The following DSCC1 variants were observed in gnomAD, a reference collection of about 807,000 sequenced individuals.
DSCC1 encodes DNA replication and sister chromatid cohesion 1.
Under a neutral mutation model 48.2 loss-of-function variants are expected in DSCC1, and 32 were observed. That is an observed-to-expected ratio of 0.66 (90% CI 0.50 to 0.89). DSCC1 has a LOEUF of 0.89. DSCC1 is among the 40% of genes least tolerant of loss of function. The pLI, the probability that DSCC1 is intolerant of heterozygous loss-of-function variation, is 0.00. For synonymous variants in DSCC1, 150 were observed against 171.5 expected (o/e 0.87, Z 0.98); for missense variants, 421 against 471.7 (o/e 0.89, Z 1.00).
intron 2 of DSCC1, among the ~76,000 whole-genome samples, chr8:119,851,429 A>G (rs995862995): frequency 6.6e-6 from 1 of 152,222 alleles, no homozygotes; most frequent in Non-Finnish European, 1.5e-5. Context: ...CATCTCAGGA[A>G]AAACAAAGCA....
At chr8:119,853,272 A>G in intron 1 of DSCC1, 57 bp from the exon 2 acceptor site, 3 of 1,531,520 alleles carry the variant, frequency 2.0e-6, no homozygotes, top group Non-Finnish European at 1.8e-6. Context: ...AGCCATTTTC[A>G]TCATAAACAG....
intron 1 of DSCC1, among the ~76,000 whole-genome samples, chr8:119,854,625 C>A (rs183588688): frequency 6.6e-6 from 1 of 152,136 alleles, no homozygotes; most frequent in East Asian, 1.9e-4. Context: ...ACACACGTTT[C>A]CAGGGCCTGT....
intron 2 of DSCC1, chr8:119,852,642 A>G: frequency 6.4e-6 from 1 of 157,394 alleles, no homozygotes. Flanking sequence ...GGCGTGAGCC[A>G]CCACACCTGG....
intron 2 of DSCC1, among the ~76,000 whole-genome samples, 194 bp from the exon 3 acceptor site, chr8:119,850,710 C>T (rs1826931464): frequency 1.3e-5 from 2 of 152,160 alleles, no homozygotes; most frequent in South Asian, 2.1e-4. Flanking sequence ...TTTTCAAATC[C>T]CCTTAATAAG....
At chr8:119,835,938 T>C (rs1306424055) in intron 8 of DSCC1, among the ~76,000 whole-genome samples, 1 of 152,198 alleles carries the variant, frequency 6.6e-6, no homozygotes, top group Admixed American at 6.5e-5. Context: ...GGAAAAAGAA[T>C]TGTGACTTAA....
chr8:119,851,625 C>T (rs1169013156), intron 2 of DSCC1, among the ~76,000 whole-genome samples: 2 of 152,112 alleles, frequency 1.3e-5, no homozygotes, highest in Non-Finnish European at 2.9e-5. Flanking sequence ...AATCTAGCAG[C>T]GCTGGGCCTA....
At chr8:119,854,748 C>T (rs1826991685) in intron 1 of DSCC1, among the ~76,000 whole-genome samples, 1 of 152,138 alleles carries the variant, frequency 6.6e-6, no homozygotes, top group South Asian at 2.1e-4. Context: ...ACCAACTGAA[C>T]CGGGATGGAA....
At chr8:119,843,806 C>G in intron 4 of DSCC1, 59 bp from the exon 5 acceptor site, 5 of 1,531,966 alleles carry the variant, frequency 3.3e-6, no homozygotes, top group Non-Finnish European at 4.4e-6. Context: ...GGCAGGGTCT[C>G]AACTCTGTCA....
chr8:119,839,165 C>T (rs7813680), intron 7 of DSCC1: 89,200 of 152,114 alleles, frequency 0.59, 26,345 homozygotes, highest in Middle Eastern at 0.75. Flanking sequence ...CCAACCACTC[C>T]ACTTGCTTCA....
In DSCC1 at chr8:119,846,939, C is replaced by T. The variant is rs754477553; in HGVS notation, c.577+51G>A. 6 of 1,540,336 alleles carry T rather than the reference C, an allele frequency of 3.9e-6. No homozygotes were observed. The South Asian group carries it at 6.7e-5, about 17-fold the overall frequency. ...GTGAAGATGTCCAAAAACTTCTCTC[C>T]CTTATGATGCCCAATTTCATCATTG... On this transcript the variant is annotated intron_variant, in intron 4 of 8. Transcript: ENST00000313655.
chr8:119,834,872 G>A lies in DSCC1; in HGVS notation c.*21C>T, dbSNP rs1341245804. On this transcript the variant is annotated 3_prime_UTR_variant, in exon 9 of 9. Coordinates refer to ENST00000313655, the MANE Select transcript of DSCC1 (RefSeq NM_024094.3). ...AACTTTATAAAGCAACTTGAGTCCT[G>A]AAGAAAAGACCGTTGTTCTTTTAAG... 12 of 1,507,470 alleles carry A rather than the reference G, an allele frequency of 8.0e-6. No individual in the cohort carries two copies. Among genetic ancestry groups the A allele is most frequent in the Non-Finnish European group, 1.1e-5 (12 of 1,089,184 alleles). The allele number at this position is 1,507,470 out of a possible 1,614,324, so 93.4% of individuals were successfully genotyped here. A position where few individuals can be genotyped will look rare whatever the true frequency, so the allele number is the denominator to read the frequency against.
intron 1 of DSCC1, among the ~76,000 whole-genome samples, chr8:119,855,219 A>G (rs143970393): frequency 2.5e-3 from 377 of 152,294 alleles, no homozygotes; most frequent in African/African-American, 8.5e-3. Flanking sequence ...CTTCCTATCT[A>G]TCATCTGAGT....
At chr8:119,835,123 G>A (rs896214703) in intron 8 of DSCC1, 122 bp from the exon 9 acceptor site, 10 of 651,754 alleles carry the variant, frequency 1.5e-5, no homozygotes, top group African/African-American at 3.8e-5. Context: ...GTAAGTGTAG[G>A]TGTTTGTGGG....
chr8:119,842,054 A>T, intron 6 of DSCC1, 106 bp from the exon 7 acceptor site: 1 of 1,293,834 alleles, frequency 7.7e-7, no homozygotes, highest in Non-Finnish European at 1.0e-6. Flanking sequence ...TTATACACCT[A>T]AACTCACTTC....
rs116408661 is a variant in DSCC1, at chr8:119,842,699, T to C, written c.769+77A>G. 2.3e-4 allele frequency: 324 copies of C among 1,390,384 alleles called. No homozygotes were observed. The African/African-American group carries it at 3.9e-3, about 17-fold the overall frequency. 86.1% of individuals were successfully genotyped at this position (1,390,384 alleles called of 1,614,324 possible). A position where few individuals can be genotyped will look rare whatever the true frequency, so the allele number is the denominator to read the frequency against. ...CTGCACCCAGCCAGAGTTCTTATTTTTAACACCGACAGGCTTTAGAAAGGT... is the reference window on the plus strand; with the variant it reads ...CTGCACCCAGCCAGAGTTCTTATTTCTAACACCGACAGGCTTTAGAAAGGT... On this transcript the variant is annotated intron_variant, in intron 6 of 8. Transcript: ENST00000313655.
At chr8:119,855,557 G>A (rs1446620200) in intron 1 of DSCC1, 57 bp downstream of exon 1, 3 of 1,505,868 alleles carry the variant, frequency 2.0e-6, no homozygotes, top group Non-Finnish European at 2.7e-6. Context: ...GACTTTCCCC[G>A]CTGAGAAAAT....
chr8:119,843,569 C>G (rs756681796), intron 5 of DSCC1, 40 bp downstream of exon 5: 7 of 1,586,264 alleles, frequency 4.4e-6, no homozygotes, highest in Non-Finnish European at 6.0e-6. Flanking sequence ...CTCCCTTCCC[C>G]TTAAGGAAAT....
At chr8:119,848,251 T>C (rs1826890875) in intron 3 of DSCC1, among the ~76,000 whole-genome samples, 1 of 152,154 alleles carries the variant, frequency 6.6e-6, no homozygotes, top group Non-Finnish European at 1.5e-5. Context: ...GTGTGAACCA[T>C]TGCCCCCAAC....
Position 119,838,401 on chromosome 8 carries a change from C to T in DSCC1, c.931G>A (p.Ala311Thr), listed in dbSNP as rs781567051. The change falls in exon 8 of 9, where the codon GCG becomes ACG. Residue 311 changes from alanine (A) to threonine (T), a missense_variant. Physicochemically the swap from Ala to Thr is moderately conservative, Grantham distance 58. Transcript: ENST00000313655. The part of the protein sequence containing the change: ...VTSLDQLKGL[A>T]LVDRHSRPEI... ...GGTCTCGAGTGTCTATCCACCAGCG[C>T]TAAACCCTACAAGAAATGAGAAGAA... The T allele has an allele frequency of 1.3e-6, 2 of 1,581,606 alleles. No homozygotes were observed. The highest frequency in any genetic ancestry group is 1.7e-6 in the Non-Finnish European group (2 of 1,169,064).
Sources: gnomAD v4.1 joint callset for allele counts (sites outside exome capture counted in the v4.1 genomes callset) on GRCh38, gnomAD v4.1.1 for gene constraint, MANE v1.5 for transcripts, NCBI Gene and HGNC (gene_info 2026-07-23, HGNC 2026-07-21) for gene names.